The following KLHL32 variants were observed in gnomAD, a reference collection of about 807,000 sequenced individuals.
KLHL32 encodes the protein kelch like family member 32.
Under a neutral mutation model 64.8 loss-of-function variants are expected in KLHL32, and 35 were observed. The observed-to-expected ratio is 0.54, with a 90% CI of 0.41 to 0.72. The LOEUF (loss-of-function observed/expected upper bound fraction) is 0.72, where lower values mean the gene tolerates loss of function less well. KLHL32 is among the 30% of genes least tolerant of loss of function. The pLI is 0.00. For synonymous variants in KLHL32, 259 were observed against 281.0 expected (o/e 0.92, Z 0.78); for missense variants, 589 against 768.5 (o/e 0.77, Z 2.76).
At chr6:97,047,454 A>G (rs1786107209) in intron 4 of KLHL32, among the ~76,000 whole-genome samples, 1 of 152,188 alleles carries the variant, frequency 6.6e-6, no homozygotes, top group Non-Finnish European at 1.5e-5. Flanking sequence ...TTTGGGAGCA[A>G]GGTTGGAAGC....
intron 6 of KLHL32, among the ~76,000 whole-genome samples, chr6:97,103,980 A>C (rs2128200397): frequency 6.6e-6 from 1 of 152,342 alleles, no homozygotes; most frequent in East Asian, 1.9e-4. Context: ...TTATTTTAAA[A>C]ATGAGAGCCA....
At chr6:97,106,736 C>G (rs1040294219) in intron 6 of KLHL32, among the ~76,000 whole-genome samples, 4 of 148,632 alleles carry the variant, frequency 2.7e-5, no homozygotes, top group Non-Finnish European at 3.0e-5. Context: ...AGAGGAGACC[C>G]TGTCTCAAAA....
At chr6:96,922,932 A>T (rs1768797663), upstream of KLHL32, among the ~76,000 whole-genome samples, 1 of 152,216 alleles carries the variant, frequency 6.6e-6, no homozygotes, top group Non-Finnish European at 1.5e-5. Context: ...TCTCTGAACT[A>T]GACATTTTAC....
chr6:97,096,335 A>T (rs1794985512), intron 6 of KLHL32, among the ~76,000 whole-genome samples: 1 of 152,226 alleles, frequency 6.6e-6, no homozygotes, highest in South Asian at 2.1e-4. Flanking sequence ...TTTGCAGCTA[A>T]AAGGCTTTCC....
intron 6 of KLHL32, among the ~76,000 whole-genome samples, chr6:97,097,593 A>G (rs1255152916): frequency 6.6e-6 from 1 of 151,864 alleles, no homozygotes; most frequent in Non-Finnish European, 1.5e-5. Context: ...GCCCTGAGGA[A>G]GTTCTTTCAC....
intron 1 of KLHL32, 104 bp downstream of exon 1, chr6:96,925,130 G>A (rs35091970): frequency 0.13 from 19,701 of 152,284 alleles, 1,559 homozygotes; most frequent in East Asian, 0.26. Flanking sequence ...GACATTTCAG[G>A]GGCTTGCAGC....
At chr6:96,965,061 G>A (rs1774302242) in intron 1 of KLHL32, among the ~76,000 whole-genome samples, 1 of 152,138 alleles carries the variant, frequency 6.6e-6, no homozygotes, top group Non-Finnish European at 1.5e-5. Flanking sequence ...GATACTCAAT[G>A]CTTAACTCAC....
At chr6:97,064,756 C>G in intron 5 of KLHL32, 30 bp downstream of exon 5, 1 of 1,511,186 alleles carries the variant, frequency 6.6e-7, no homozygotes. Flanking sequence ...GCTCATACAC[C>G]CTTCACATTC....
At chr6:96,943,472 G>T (rs886184298) in intron 1 of KLHL32, among the ~76,000 whole-genome samples, 1 of 151,708 alleles carries the variant, frequency 6.6e-6, no homozygotes, top group Admixed American at 6.6e-5. Flanking sequence ...TATTACTGCT[G>T]ACCCCCAATG....
chr6:97,077,189 A>G (rs528996471), intron 5 of KLHL32, among the ~76,000 whole-genome samples: 12 of 152,262 alleles, frequency 7.9e-5, no homozygotes, highest in African/African-American at 2.6e-4. Flanking sequence ...TTCCCTGGAG[A>G]TGGAATCTGA....
intron 1 of KLHL32, among the ~76,000 whole-genome samples, chr6:96,960,934 A>C (rs1015383372): frequency 4.6e-5 from 7 of 152,198 alleles, no homozygotes; most frequent in African/African-American, 1.4e-4. Flanking sequence ...GGGGTTGTGG[A>C]GACCAATGTT....
chr6:97,056,106 C>CTTTTTTTTTTTTTTTTTTTTTTTT (rs1171932769), intron 4 of KLHL32, among the ~76,000 whole-genome samples: 3 of 85,080 alleles, frequency 3.5e-5, no homozygotes, highest in African/African-American at 5.4e-5. Flanking sequence ...CTTTTTTTTT[C>CTTTTTTTTTTTTTTTTTTTTTTTT]TTTTTTTTTT....
intron 3 of KLHL32, among the ~76,000 whole-genome samples, chr6:97,003,251 A>G (rs186158266): frequency 6.6e-6 from 1 of 152,336 alleles, no homozygotes; most frequent in Non-Finnish European, 1.5e-5. Flanking sequence ...ATGATTAATG[A>G]TGATGAACAT....
intron 6 of KLHL32, among the ~76,000 whole-genome samples, chr6:97,104,184 T>C (rs911866059): frequency 2.6e-5 from 4 of 152,342 alleles, no homozygotes; most frequent in South Asian, 2.1e-4. Context: ...CCTCTTTTGT[T>C]ATTGTTATAA....
At chr6:97,135,998 G>A (rs1799963903) in intron 10 of KLHL32, among the ~76,000 whole-genome samples, 2 of 152,182 alleles carry the variant, frequency 1.3e-5, no homozygotes, top group South Asian at 4.2e-4. Context: ...GGGTTGAGAA[G>A]TACAGAAGCA....
At chr6:97,138,452 T>A (rs527748303) in intron 10 of KLHL32, among the ~76,000 whole-genome samples, 48 of 152,078 alleles carry the variant, frequency 3.2e-4, no homozygotes, top group African/African-American at 9.2e-4. Context: ...GGCAGGAGGA[T>A]TGCTTGAGCC....
chr6:96,954,384 C>T (rs555362165), intron 1 of KLHL32, among the ~76,000 whole-genome samples: 1 of 109,756 alleles, frequency 9.1e-6, no homozygotes, highest in East Asian at 2.9e-4. Context: ...CTTAGATATT[C>T]ACTCATATTA....
At chr6:96,966,283 C>T (rs1436534510) in intron 1 of KLHL32, among the ~76,000 whole-genome samples, 1 of 152,100 alleles carries the variant, frequency 6.6e-6, no homozygotes, top group Non-Finnish European at 1.5e-5. Context: ...CCAGACTATT[C>T]AAATAATTTA....
At chr6:97,009,890 A>G (rs1181913119) in intron 3 of KLHL32, among the ~76,000 whole-genome samples, 1 of 152,074 alleles carries the variant, frequency 6.6e-6, no homozygotes, top group Admixed American at 6.6e-5. Context: ...AAGGGAGGTA[A>G]TTTGCATTCC....
Sources: allele counts gnomAD v4.1 joint callset (sites outside exome capture counted in the v4.1 genomes callset), GRCh38; gene constraint gnomAD v4.1.1; transcripts MANE v1.5; gene names NCBI Gene and HGNC (gene_info 2026-07-23, HGNC 2026-07-21).